Variants in PARVG observed in about 807,000 individuals in gnomAD.
PARVG encodes gamma-parvin.
A neutral mutation model predicts 44.4 loss-of-function variants in PARVG; 36 were observed. That is an observed-to-expected ratio of 0.81 (90% CI 0.62 to 1.07). The LOEUF is 1.07. PARVG is among the 50% of genes least tolerant of loss of function. The probability of loss-of-function intolerance (pLI) is 0.00; values close to 1 mark genes in which losing one functional copy is unlikely to be tolerated. For synonymous variants in PARVG, 170 were observed against 174.1 expected, an observed-to-expected ratio of 0.98 and a Z score of 0.19; for missense variants, 407 against 407.4, an observed-to-expected ratio of 1.00 and a Z score of 0.01.
chr22:44,191,388 A>ATTT lies in PARVG; in HGVS notation c.505-636_505-634dup, dbSNP rs35954868. 1.2e-3 allele frequency among the ~76,000 whole-genome samples: 79 copies of ATTT among 63,468 alleles called. 5 individuals are homozygous for ATTT. Among genetic ancestry groups the ATTT allele is most frequent in the East Asian group, 1.8e-3 (3 of 1,662 alleles). The allele number at this position is 63,468 out of a possible 152,430, so 41.6% of individuals were successfully genotyped here. On this transcript the variant is annotated intron_variant, in intron 7 of 13. Transcript: ENST00000444313. ...GCCACACCCAGTCAGAGTCATTTCT[A>ATTT]TTTTTTTTTTTTTTTTTTTTTTTTT... is the stretch of plus-strand genomic sequence containing the variant.
chr22:44,175,487 A>G (rs986865623), intron 1 of PARVG, among the ~76,000 whole-genome samples: 2 of 152,244 alleles, frequency 1.3e-5, no homozygotes, highest in African/African-American at 4.8e-5. Context: ...GCAGCTCAGA[A>G]TTAGTGAGGT....
chr22:44,185,763 C>T, intron 3 of PARVG, 45 bp from the exon 4 acceptor site: 1 of 1,556,640 alleles, frequency 6.4e-7, no homozygotes. Context: ...TGGCCAAGCG[C>T]CCCACAGGGT....
chr22:44,177,292 A>G (rs1485349760), upstream of PARVG, among the ~76,000 whole-genome samples: 1 of 152,224 alleles, frequency 6.6e-6, no homozygotes, highest in Admixed American at 6.5e-5. Flanking sequence ...ACCTCTAAAT[A>G]CATCAGTGTA....
At chr22:44,176,908 G>A (rs1361826666), upstream of PARVG, among the ~76,000 whole-genome samples, 1 of 152,082 alleles carries the variant, frequency 6.6e-6, no homozygotes, top group Non-Finnish European at 1.5e-5. Context: ...GTGTGTTTAG[G>A]TGAACTGTCC....
chr22:44,203,572 C>T (rs139170), intron 12 of PARVG, among the ~76,000 whole-genome samples: 71,070 of 152,092 alleles, frequency 0.47, 16,572 homozygotes, highest in Middle Eastern at 0.49. Flanking sequence ...GAGCACAGTG[C>T]GGAGTCTGGA....
upstream of PARVG, among the ~76,000 whole-genome samples, chr22:44,177,054 G>C (rs989671253): frequency 2.6e-5 from 4 of 152,144 alleles, no homozygotes; most frequent in Admixed American, 1.3e-4. Context: ...TACAATTCAA[G>C]ATGAGATTTG....
intron 9 of PARVG, among the ~76,000 whole-genome samples, chr22:44,195,361 C>T (rs1443079892): frequency 6.6e-6 from 1 of 152,200 alleles, no homozygotes; most frequent in Non-Finnish European, 1.5e-5. Flanking sequence ...GAGAGAGGTG[C>T]TGTGACTTGC....
At chr22:44,188,924 G>A in intron 5 of PARVG, 190 bp from the exon 6 acceptor site, 1 of 566,442 alleles carries the variant, frequency 1.8e-6, no homozygotes, top group Non-Finnish European at 2.9e-6. Flanking sequence ...GTGTAGATGA[G>A]GGTCTCCTGG....
At chr22:44,191,914 C>A in intron 7 of PARVG, 135 bp from the exon 8 acceptor site, 1 of 992,574 alleles carries the variant, frequency 1.0e-6, no homozygotes, top group Non-Finnish European at 1.5e-6. Context: ...AACCTCAAGA[C>A]TCCTGGGGAA....
intron 4 of PARVG, chr22:44,186,312 G>A: frequency 3.1e-6 from 1 of 326,224 alleles, no homozygotes; most frequent in Non-Finnish European, 6.1e-6. Flanking sequence ...GGTGGTGGTG[G>A]TGGGCCTGGG....
At chr22:44,202,789 G>A (rs987337866) in intron 12 of PARVG, among the ~76,000 whole-genome samples, 4 of 152,216 alleles carry the variant, frequency 2.6e-5, no homozygotes, top group Non-Finnish European at 5.9e-5. Flanking sequence ...GACCCTCTTT[G>A]CTGATGGTGT....
At chr22:44,174,844 G>A (rs890389647) in intron 1 of PARVG, among the ~76,000 whole-genome samples, 6 of 152,122 alleles carry the variant, frequency 3.9e-5, no homozygotes, top group Non-Finnish European at 8.8e-5. Flanking sequence ...ACTGCCGTCC[G>A]GGCACAGTGG....
At chr22:44,186,072 C>T (rs1302439852) in intron 4 of PARVG, 200 bp downstream of exon 4, 4 of 432,206 alleles carry the variant, frequency 9.3e-6, no homozygotes, top group African/African-American at 8.2e-5. Context: ...CTATTGAGCA[C>T]CAACTGTGTG....
At chr22:44,205,381 GGGAC>G (rs1214704150) in intron 12 of PARVG, among the ~76,000 whole-genome samples, 1 of 152,206 alleles carries the variant, frequency 6.6e-6, no homozygotes, top group Non-Finnish European at 1.5e-5. Context: ...CCTGCCTGGC[GGGAC>G]TCACCACCAG....
chr22:44,186,183 C>A (rs2054466547), intron 4 of PARVG: 2 of 309,310 alleles, frequency 6.5e-6, no homozygotes, highest in South Asian at 5.9e-5. Flanking sequence ...AGACAGGTGA[C>A]CTCATCTGTC....
chr22:44,190,261 C>G (rs2147227037), intron 6 of PARVG, among the ~76,000 whole-genome samples: 1 of 152,316 alleles, frequency 6.6e-6, no homozygotes, highest in Middle Eastern at 3.4e-3. Context: ...TCCCAGAGGT[C>G]ACTTGGTTGT....
intron 4 of PARVG, chr22:44,187,397 GACC>G (rs1302218199): frequency 3.7e-6 from 1 of 272,396 alleles, no homozygotes; most frequent in Non-Finnish European, 7.1e-6. Context: ...TATTTCTACT[GACC>G]ACCTCTTCAG....
intron 4 of PARVG, chr22:44,186,679 C>T (rs780960372): frequency 4.2e-6 from 2 of 470,864 alleles, no homozygotes; most frequent in Non-Finnish European, 8.8e-6. Flanking sequence ...CGGTCTCCTC[C>T]ACAGGCTGAT....
intron 9 of PARVG, among the ~76,000 whole-genome samples, chr22:44,194,699 C>A (rs1170972088): frequency 6.6e-6 from 1 of 151,654 alleles, no homozygotes; most frequent in African/African-American, 2.4e-5. Context: ...TCCACCCACC[C>A]ACCTATCCAC....
Sources: gnomAD v4.1 joint callset for allele counts (sites outside exome capture counted in the v4.1 genomes callset) on GRCh38, gnomAD v4.1.1 for gene constraint, MANE v1.5 for transcripts, NCBI Gene and HGNC (gene_info 2026-07-23, HGNC 2026-07-21) for gene names.